TUSC3: variants seen among roughly 807,000 people sequenced by gnomAD.
TUSC3 encodes the protein dolichyl-diphosphooligosaccharide--protein glycosyltransferase subunit TUSC3.
Under a neutral mutation model 44.8 loss-of-function variants are expected in TUSC3, and 45 were observed. That is an observed-to-expected ratio of 1.00 (90% CI 0.79 to 1.29). TUSC3 has a LOEUF of 1.29. Among genes scored for constraint, TUSC3 ranks in the 50% most tolerant of loss-of-function variants. TUSC3 has a pLI of 0.00. For synonymous variants in TUSC3, 212 were observed against 152.9 expected (o/e 1.39, Z -2.85); for missense variants, 519 against 437.9 (o/e 1.19, Z -1.65).
At chr8:15,426,113 G>A (rs1348306740) in intron 1 of TUSC3, among the ~76,000 whole-genome samples, 5 of 152,170 alleles carry the variant, frequency 3.3e-5, no homozygotes, top group African/African-American at 1.2e-4. Context: ...ACAGAGAGCT[G>A]CATATATTTA....
At chr8:15,829,834 C>A in the TUSC3 span, among the ~76,000 whole-genome samples, 1 of 152,000 alleles carries the variant, frequency 6.6e-6, no homozygotes, top group African/African-American at 2.4e-5. Context: ...GAGGCTGGGT[C>A]TAATAGTTTT....
At chr8:15,418,080 AAACTACTATTT>A (rs1322988283) in intron 1 of TUSC3, among the ~76,000 whole-genome samples, 6 of 152,204 alleles carry the variant, frequency 3.9e-5, no homozygotes. Context: ...AAAAAGGAGA[AAACTACTATTT>A]TATGTCAAGG....
chr8:15,637,519 A>G (rs4367538), intron 2 of TUSC3, among the ~76,000 whole-genome samples: 27,593 of 151,934 alleles, frequency 0.18, 2,501 homozygotes, highest in South Asian at 0.26. Context: ...TTTAGGTTGG[A>G]GTATTTTGTT....
chr8:15,792,909 A>C, the TUSC3 span, among the ~76,000 whole-genome samples: 1 of 152,032 alleles, frequency 6.6e-6, no homozygotes, highest in Admixed American at 6.6e-5. Context: ...GTGAGTCACC[A>C]TGCCCGACCA....
chr8:15,678,360 C>G (rs1183454527), intron 6 of TUSC3, among the ~76,000 whole-genome samples: 1 of 151,786 alleles, frequency 6.6e-6, no homozygotes, highest in Admixed American at 6.6e-5. Flanking sequence ...GTATACTACT[C>G]ATAGACTGTA....
intron 1 of TUSC3, among the ~76,000 whole-genome samples, chr8:15,593,649 T>C (rs1803945981): frequency 6.6e-6 from 1 of 152,202 alleles, no homozygotes; most frequent in African/African-American, 2.4e-5. Context: ...CCATAATTTT[T>C]CCCTCATAAG....
chr8:15,813,218 T>G, the TUSC3 span, among the ~76,000 whole-genome samples: 290 of 152,318 alleles, frequency 1.9e-3, 1 homozygote, highest in African/African-American at 6.7e-3. Flanking sequence ...GTAGACACTG[T>G]GTAATCAGCC....
intron 1 of TUSC3, among the ~76,000 whole-genome samples, chr8:15,561,379 G>A (rs200261482): frequency 0.014 from 1,637 of 120,950 alleles, 27 homozygotes; most frequent in Middle Eastern, 0.032. Flanking sequence ...CTCCAGCTGC[G>A]TGCTGGGAGA....
At chr8:15,477,807 A>G (rs1009381976) in intron 1 of TUSC3, among the ~76,000 whole-genome samples, 1 of 152,108 alleles carries the variant, frequency 6.6e-6, no homozygotes, top group Non-Finnish European at 1.5e-5. Context: ...AGAATTCTAC[A>G]TGTGATGGTA....
intron 2 of TUSC3, among the ~76,000 whole-genome samples, chr8:15,629,870 T>A (rs1415918023): frequency 6.6e-6 from 1 of 152,152 alleles, no homozygotes; most frequent in East Asian, 1.9e-4. Flanking sequence ...ATTCTGCTCT[T>A]CCTTCACACA....
the TUSC3 span, among the ~76,000 whole-genome samples, chr8:15,829,449 C>G: frequency 2.6e-5 from 4 of 152,102 alleles, no homozygotes; most frequent in Non-Finnish European, 5.9e-5. Flanking sequence ...CTTTGCCAAT[C>G]TGATAAGGGT....
intron 2 of TUSC3, among the ~76,000 whole-genome samples, chr8:15,639,774 TAA>T (rs1380611644): frequency 1.5e-4 from 17 of 112,274 alleles, no homozygotes; most frequent in Non-Finnish European, 2.5e-4. Flanking sequence ...CTTAGATGCA[TAA>T]GAGTCGTTTT....
At chr8:15,842,818 T>C in the TUSC3 span, among the ~76,000 whole-genome samples, 1 of 152,184 alleles carries the variant, frequency 6.6e-6, no homozygotes, top group Non-Finnish European at 1.5e-5. Context: ...AACCTGTACA[T>C]CTCCCCAGGA....
chr8:15,758,875 C>T (rs979959437), intron 10 of TUSC3, among the ~76,000 whole-genome samples: 11 of 152,030 alleles, frequency 7.2e-5, no homozygotes, highest in African/African-American at 2.7e-4. Context: ...TAAAAAGCTT[C>T]CATTCCCAGA....
At chr8:15,683,278 A>G (rs549176465) in intron 6 of TUSC3, among the ~76,000 whole-genome samples, 1 of 152,284 alleles carries the variant, frequency 6.6e-6, no homozygotes, top group Admixed American at 6.5e-5. Flanking sequence ...AGAACGCACA[A>G]TGAATCATAG....
chr8:15,436,736 A>G (rs1279534307), intron 1 of TUSC3, among the ~76,000 whole-genome samples: 1 of 152,204 alleles, frequency 6.6e-6, no homozygotes, highest in Non-Finnish European at 1.5e-5. Flanking sequence ...ACCAATTTCT[A>G]TAGGTGTTTC....
the TUSC3 span, among the ~76,000 whole-genome samples, chr8:15,845,950 T>C: frequency 1.3e-5 from 2 of 152,240 alleles, no homozygotes; most frequent in African/African-American, 4.8e-5. Context: ...CTCAGAATCA[T>C]GGCAGGAGGG....
intron 1 of TUSC3, among the ~76,000 whole-genome samples, chr8:15,567,866 A>C (rs2129142232): frequency 6.6e-6 from 1 of 152,326 alleles, no homozygotes; most frequent in East Asian, 1.9e-4. Flanking sequence ...AAAATTACTA[A>C]GATGAATGCC....
In TUSC3 at chr8:15,514,380, T is replaced by G. The variant is rs567772462; in HGVS notation, n.189+30897T>G. ...AAAGAATGAAGTTGAGCAAGAAAAT[T>G]AATAGGGATACAGAAACTTGCTCAT... is the stretch of plus-strand genomic sequence containing the variant. On this transcript the variant is annotated intron_variant and non_coding_transcript_variant, in intron 2 of 5. Coordinates refer to the TUSC3 transcript ENST00000503191. Among the ~76,000 whole-genome samples the G allele has an allele frequency of 9.2e-5, 14 of 152,298 alleles. No homozygotes were observed. In the South Asian group the frequency reaches 2.9e-3, roughly 32 times the overall value.
Sources: gnomAD v4.1 joint callset for allele counts (sites outside exome capture counted in the v4.1 genomes callset) on GRCh38, gnomAD v4.1.1 for gene constraint, MANE v1.5 for transcripts, NCBI Gene and HGNC (gene_info 2026-07-23, HGNC 2026-07-21) for gene names.